Variants in SERBP1 observed in about 807,000 individuals in gnomAD.
SERBP1 encodes the protein SERPINE1 mRNA binding protein 1, also known as SERPINE1 mRNA-binding protein 1.
In SERBP1, 6 loss-of-function variants were observed where a neutral mutation model predicts 50.2. That is an observed-to-expected ratio of 0.12 (90% CI 0.07 to 0.24). The LOEUF (loss-of-function observed/expected upper bound fraction) is 0.24. Ranked by LOEUF, SERBP1 falls within the 10% of genes least tolerant of loss-of-function variation. The probability of loss-of-function intolerance (pLI) is 1.00; values close to 1 mark genes in which losing one functional copy is unlikely to be tolerated. For missense variants in SERBP1, 346 were observed against 524.9 expected (o/e 0.66, Z 3.33); for synonymous variants, 168 against 182.8 (o/e 0.92, Z 0.65).
At chr1:67,420,581 T>C (rs1553134211) in intron 5 of SERBP1, 2 of 159,204 alleles carry the variant, frequency 1.3e-5, no homozygotes, top group Non-Finnish European at 2.7e-5. Context: ...ATTCCCACAA[T>C]ATGTAACTCT....
intron 1 of SERBP1, among the ~76,000 whole-genome samples, chr1:67,428,424 G>A (rs904768287): frequency 2.6e-5 from 4 of 152,166 alleles, no homozygotes; most frequent in Admixed American, 2.6e-4. Flanking sequence ...CAAAATGAGT[G>A]AACACATCTA....
intron 7 of SERBP1, among the ~76,000 whole-genome samples, chr1:67,414,560 C>G (rs773775269): frequency 5.3e-5 from 8 of 152,204 alleles, no homozygotes; most frequent in Non-Finnish European, 1.2e-4. Context: ...CTATCAATTA[C>G]TTGGGAATTC....
chr1:67,409,328 GTT>G lies in SERBP1; in HGVS notation c.*3877_*3878del, dbSNP rs34442991. On this transcript the variant is annotated 3_prime_UTR_variant, in exon 8 of 8. Coordinates refer to ENST00000361219, the MANE Select transcript of SERBP1 (RefSeq NM_001018069.2). ...CTGGGCTGCCTACATTTTTCTGTGG[GTT>G]TTTTTTTTTTTTAATCCTATACAAG... The G allele has an allele frequency of 3.7e-5, 5 of 133,788 alleles. No individual in the cohort carries two copies. Among genetic ancestry groups the G allele is most frequent in the African/African-American group, 1.1e-4 (4 of 36,558 alleles). The allele number at this position is 133,788 out of a possible 1,614,324, so 8.3% of individuals were successfully genotyped here. A position where few individuals can be genotyped will look rare whatever the true frequency, so the allele number is the denominator to read the frequency against.
intron 7 of SERBP1, among the ~76,000 whole-genome samples, chr1:67,414,133 A>T (rs762547635): frequency 5.5e-4 from 83 of 152,232 alleles, no homozygotes; most frequent in Non-Finnish European, 1.1e-3. Flanking sequence ...GTAGATTCAT[A>T]AGCAATTATG....
chr1:67,409,217 G>A lies in SERBP1; in HGVS notation c.*3990C>T, dbSNP rs1666736769. On this transcript the variant is annotated 3_prime_UTR_variant, in exon 8 of 8. Transcript: ENST00000361219. Reference sequence around the variant, plus strand: ...CACTCCAGCCTGGGTGACAGAGCCAGACTGTTTCAAAGAAACAAACTCTTG... The same window carrying A: ...CACTCCAGCCTGGGTGACAGAGCCAAACTGTTTCAAAGAAACAAACTCTTG... The A allele has an allele frequency of 6.6e-6, 1 of 151,952 alleles. No homozygotes were observed. Among genetic ancestry groups the A allele is most frequent in the African/African-American group, 2.4e-5 (1 of 41,366 alleles). The allele number at this position is 151,952 out of a possible 1,614,324, so 9.4% of individuals were successfully genotyped here.
chr1:67,417,929 A>G (rs976057643), intron 6 of SERBP1, among the ~76,000 whole-genome samples: 4 of 146,222 alleles, frequency 2.7e-5, no homozygotes, highest in African/African-American at 1.0e-4. Flanking sequence ...TAACTACCTC[A>G]CATTTGTCAC....
intron 1 of SERBP1, among the ~76,000 whole-genome samples, chr1:67,427,628 A>C (rs536241831): frequency 1.7e-4 from 26 of 152,370 alleles, no homozygotes; most frequent in African/African-American, 5.8e-4. Flanking sequence ...AAATGTCATC[A>C]GTAATAAAGT....
intron 2 of SERBP1, 67 bp downstream of exon 2, chr1:67,426,068 T>C (rs1667363665): frequency 8.6e-6 from 12 of 1,392,146 alleles, no homozygotes; most frequent in Non-Finnish European, 1.2e-5. Flanking sequence ...TGAGCCAAGC[T>C]TGTACCACTG....
intron 2 of SERBP1, 40 bp from the exon 3 acceptor site, chr1:67,425,263 A>AG (rs775453698): frequency 1.3e-6 from 2 of 1,530,372 alleles, no homozygotes; most frequent in Non-Finnish European, 1.8e-6. Context: ...CATGGTTTCC[A>AG]GAAGAAATGA....
At chr1:67,429,391 T>A (rs1176644977) in intron 1 of SERBP1, 1 of 152,282 alleles carries the variant, frequency 6.6e-6, no homozygotes, top group East Asian at 1.9e-4. Context: ...TCCTAACAGT[T>A]GAGAGGTGGA....
chr1:67,414,428 T>C (rs1313874801), intron 7 of SERBP1, among the ~76,000 whole-genome samples: 1 of 152,216 alleles, frequency 6.6e-6, no homozygotes, highest in Non-Finnish European at 1.5e-5. Context: ...AATGGTAAGT[T>C]ACCCCTGTAA....
At chr1:67,429,026 T>A (rs1451089153) in intron 1 of SERBP1, among the ~76,000 whole-genome samples, 1 of 151,944 alleles carries the variant, frequency 6.6e-6, no homozygotes, top group East Asian at 1.9e-4. Flanking sequence ...AATGCAAAAA[T>A]CAAGACAATC....
intron 4 of SERBP1, among the ~76,000 whole-genome samples, chr1:67,424,679 A>G (rs1033410421): frequency 4.7e-4 from 25 of 53,534 alleles, no homozygotes; most frequent in Middle Eastern, 0.01. Flanking sequence ...TATGGGGGGG[A>G]AAAAATGAGT....
rs1667536962 is a variant in SERBP1 at position 67,430,320 on chromosome 1, G to A, written c.-20C>T. The A allele has an allele frequency of 2.0e-6, 3 of 1,490,482 alleles. No homozygotes were observed. Among genetic ancestry groups the A allele is most frequent in the Non-Finnish European group, 2.7e-6 (3 of 1,121,428 alleles). The allele number at this position is 1,490,482 out of a possible 1,614,324, so 92.3% of individuals were successfully genotyped here. On this transcript the variant is annotated 5_prime_UTR_variant, in exon 1 of 8. It adds an upstream start codon to the 5' untranslated region. Coordinates refer to ENST00000361219, the MANE Select transcript of SERBP1 (RefSeq NM_001018069.2). ...AGGCATGATGGTGGCTCGGCGGCGC[G>A]TTCCTCCACGGATTGCAGCGGGCCG...
rs2100408373 is a variant in SERBP1 at position 67,413,066 on chromosome 1, TA to T, written c.*140del. 1.8e-6 allele frequency: 2 copies of T among 1,116,536 alleles called. No homozygotes were observed. Among genetic ancestry groups the T allele is most frequent in the East Asian group, 6.3e-5 (2 of 31,836 alleles). 69.2% of individuals were successfully genotyped at this position (1,116,536 alleles called of 1,614,324 possible). A position where few individuals can be genotyped will look rare whatever the true frequency, so the allele number is the denominator to read the frequency against. On this transcript the variant is annotated 3_prime_UTR_variant, in exon 8 of 8. Transcript: ENST00000361219. ...GGGAGAAGTTCATTTTTAAAACAGA[TA>T]AAATTCAGTCTTTAGGTGTGAATGG...
At chr1:67,423,305 A>AC (rs1667263563) in intron 5 of SERBP1, among the ~76,000 whole-genome samples, 1 of 144,772 alleles carries the variant, frequency 6.9e-6, no homozygotes, top group African/African-American at 2.6e-5. Flanking sequence ...TCACACACAC[A>AC]AAAAAAAAAG....
chr1:67,412,615 A>ATG lies in SERBP1; in HGVS notation c.*591_*592insCA, dbSNP rs1257233127. 3.9e-5 allele frequency: 6 copies of ATG among 152,726 alleles called. No individual in the cohort carries two copies. The highest frequency in any genetic ancestry group is 1.4e-4 in the African/African-American group (6 of 41,448). 9.5% of individuals were successfully genotyped at this position (152,726 alleles called of 1,614,324 possible). A position where few individuals can be genotyped will look rare whatever the true frequency, so the allele number is the denominator to read the frequency against. ...ATATAAAGATTTAGCATATATATAT[A>ATG]ACAGCTATCATGAGAAGTGAAAAAA... On this transcript the variant is annotated 3_prime_UTR_variant, in exon 8 of 8. Transcript: ENST00000361219.
Position 67,410,937 on chromosome 1 carries a change from T to C in SERBP1, c.*2270A>G, listed in dbSNP as rs1346405265. 6.6e-6 allele frequency: 1 copy of C among 152,134 alleles called. No individual in the cohort carries two copies. Among genetic ancestry groups the C allele is most frequent in the Non-Finnish European group, 1.5e-5 (1 of 68,002 alleles). The allele number at this position is 152,134 out of a possible 1,614,324, so 9.4% of individuals were successfully genotyped here. On this transcript the variant is annotated 3_prime_UTR_variant, in exon 8 of 8. Coordinates refer to ENST00000361219, the MANE Select transcript of SERBP1 (RefSeq NM_001018069.2). ...TGGTTTTTAGCAAATAAAAACCCCA[T>C]ATAAAATTCAATTTAAAAATTATAA... is the stretch of plus-strand genomic sequence containing the variant.
intron 2 of SERBP1, among the ~76,000 whole-genome samples, 168 bp downstream of exon 2, chr1:67,425,967 A>G (rs1667359976): frequency 6.6e-6 from 1 of 152,214 alleles, no homozygotes; most frequent in Admixed American, 6.5e-5. Context: ...AAAAAAAATT[A>G]GCAGTGTGGT....
Sources: gnomAD v4.1 joint callset for allele counts (sites outside exome capture counted in the v4.1 genomes callset) on GRCh38, gnomAD v4.1.1 for gene constraint, MANE v1.5 for transcripts, NCBI Gene and HGNC (gene_info 2026-07-23, HGNC 2026-07-21) for gene names.